DNAH5: variants seen among roughly 807,000 people sequenced by gnomAD.
The protein encoded by DNAH5 is axonemal beta dynein heavy chain 5.
Under a neutral mutation model 518.2 loss-of-function variants are expected in DNAH5, and 372 were observed. The observed-to-expected ratio is 0.72, with a 90% CI of 0.66 to 0.78. DNAH5 has a LOEUF of 0.78. DNAH5 is among the 30% of genes least tolerant of loss of function. The probability of loss-of-function intolerance (pLI) is 0.00; values close to 1 mark genes in which losing one functional copy is unlikely to be tolerated. For synonymous variants in DNAH5, 2,039 were observed against 2,025.9 expected (o/e 1.01, Z -0.17); for missense variants, 5,523 against 5,687.0 (o/e 0.97, Z 0.93).
In DNAH5 at chr5:13,737,307, T is replaced by C; in HGVS notation, c.11400A>G (p.Glu3800=). The change falls in exon 66 of 79, where the codon GAA becomes GAG. Residue 3800 remains glutamate, a synonymous_variant. Coordinates refer to ENST00000265104, the MANE Select transcript of DNAH5 (RefSeq NM_001369.3). ...RTAEEVTQKL[E]ISAETEVQIN... ...TTTGAACTTCTGTCTCAGCAGAAAT[T>C]TCTAGCTTCTGTGTCACCTCCTCGG... 6.2e-7 allele frequency: 1 copy of C among 1,614,134 alleles called. No individual in the cohort carries two copies. The highest frequency in any genetic ancestry group is 8.5e-7 in the Non-Finnish European group (1 of 1,179,994).
At position 13,882,730 on chromosome 5, in the gene DNAH5, T is replaced by C; in HGVS notation, c.3260A>G (p.Gln1087Arg). The C allele has an allele frequency of 8.1e-6, 13 of 1,610,658 alleles. No homozygotes were observed. The highest frequency in any genetic ancestry group is 1.1e-5 in the Non-Finnish European group (13 of 1,176,930). ...SDVEMGENEL[Q>R]DTLEIASVNL... ...TAAAAGACTAAAAGAACATTTACCT[T>C]GAAGTTCATTTTCTCCCATTTCAAC... is the stretch of plus-strand genomic sequence containing the variant. The change falls in exon 21 of 79, where the codon CAA (glutamine) becomes CGA (arginine). Residue 1087 changes from glutamine to arginine, a missense_variant and splice_region_variant. This residue lies in a region of DNAH5 where 5,121 missense variants were observed against 5,223.3 expected (regional missense o/e 0.98). Coordinates refer to ENST00000265104, the MANE Select transcript of DNAH5 (RefSeq NM_001369.3).
At chr5:13,978,726 A>G (rs1306682029) in intron 1 of DNAH5, among the ~76,000 whole-genome samples, 1 of 152,224 alleles carries the variant, frequency 6.6e-6, no homozygotes, top group Non-Finnish European at 1.5e-5. Flanking sequence ...GCTATGCCAT[A>G]TAGCCTAAGG....
At position 13,737,279 on chromosome 5, in the gene DNAH5, T is replaced by A; in HGVS notation, c.11428A>T (p.Asn3810Tyr). The A allele has an allele frequency of 6.2e-7, 1 of 1,614,126 alleles. No homozygotes were observed. The highest frequency in any genetic ancestry group is 8.5e-7 in the Non-Finnish European group (1 of 1,179,982). ...GGTCTGTATTCCTCCCGGGCTGAGT[T>A]AATTTGAACTTCTGTCTCAGCAGAA... ...EISAETEVQI[N>Y]SAREEYRPVA... is the part of the protein sequence containing the mutation. The change falls in exon 66 of 79, where the codon AAC becomes TAC. Residue 3810 changes from asparagine to tyrosine, a missense_variant. Physicochemically the swap from Asn to Tyr is moderately radical, Grantham distance 143. Around this residue, in one of 3 missense-constraint regions of DNAH5, gnomAD observed 5,121 missense variants for 5,223.3 expected, o/e 0.98. Transcript: ENST00000265104.
At chr5:13,915,118 T>G (rs1378973908) in intron 9 of DNAH5, among the ~76,000 whole-genome samples, 1 of 152,122 alleles carries the variant, frequency 6.6e-6, no homozygotes, top group Admixed American at 6.6e-5. Context: ...CACTAACATT[T>G]TATTCATCTC....
intron 66 of DNAH5, 120 bp downstream of exon 66, chr5:13,737,132 A>G: frequency 6.6e-7 from 1 of 1,510,942 alleles, no homozygotes; most frequent in Non-Finnish European, 9.1e-7. Flanking sequence ...GAAATTCCAC[A>G]AAACACCTCC....
At chr5:13,870,728 T>C (rs776682607) in intron 24 of DNAH5, 39 bp downstream of exon 24, 3 of 1,553,926 alleles carry the variant, frequency 1.9e-6, no homozygotes, top group Middle Eastern at 1.7e-4. Context: ...ATCCAACATG[T>C]AGAAATATTT....
intron 1 of DNAH5, among the ~76,000 whole-genome samples, chr5:13,969,607 G>T (rs1266648881): frequency 6.6e-6 from 1 of 152,100 alleles, no homozygotes; most frequent in Non-Finnish European, 1.5e-5. Context: ...CCATGTATTT[G>T]CATGGTTTTG....
chr5:13,820,550 C>G lies in DNAH5; in HGVS notation c.6688-51G>C, dbSNP rs376299819. 8.1e-6 allele frequency: 13 copies of G among 1,600,610 alleles called. No homozygotes were observed. In the African/African-American group the frequency reaches 1.7e-4, roughly 21 times the overall value. ...TTGAAACACAACAATGATGGCCGGA[C>G]ACGGTGGCTCACGCCTGTAATCCCA... On this transcript the variant is annotated intron_variant, in intron 40 of 78. Transcript: ENST00000265104.
intron 1 of DNAH5, among the ~76,000 whole-genome samples, chr5:13,994,939 A>C (rs2152077548): frequency 6.6e-6 from 1 of 152,332 alleles, no homozygotes; most frequent in Admixed American, 6.5e-5. Context: ...CATGAGTTTC[A>C]GCAAACAAGA....
At chr5:13,887,432 T>C (rs531141296) in intron 17 of DNAH5, among the ~76,000 whole-genome samples, 1 of 152,286 alleles carries the variant, frequency 6.6e-6, no homozygotes, top group East Asian at 1.9e-4. Context: ...CTCATTAAAA[T>C]ATCCCCCAGG....
chr5:13,692,595 G>A (rs960487968), intron 78 of DNAH5, among the ~76,000 whole-genome samples: 6 of 152,108 alleles, frequency 3.9e-5, no homozygotes, highest in Non-Finnish European at 7.4e-5. Context: ...TTAAATCCCA[G>A]GACAGAGGGT....
At chr5:13,806,289 C>T (rs1469600851) in intron 47 of DNAH5, among the ~76,000 whole-genome samples, 1 of 152,106 alleles carries the variant, frequency 6.6e-6, no homozygotes, top group African/African-American at 2.4e-5. Context: ...GACCATCCAT[C>T]CAGATCTGCC....
chr5:14,002,387 T>C (rs1464490255), intron 1 of DNAH5, among the ~76,000 whole-genome samples: 1 of 152,188 alleles, frequency 6.6e-6, no homozygotes, highest in Non-Finnish European at 1.5e-5. Context: ...GGTTAAAAAT[T>C]AAACACATAA....
At chr5:13,926,408 TCA>T (rs1451890748) in intron 3 of DNAH5, among the ~76,000 whole-genome samples, 2 of 152,162 alleles carry the variant, frequency 1.3e-5, no homozygotes, top group East Asian at 3.9e-4. Flanking sequence ...GCCTCTGGCC[TCA>T]CACAGTCAGC....
At chr5:13,911,553 T>A (rs1442662922) in intron 11 of DNAH5, 60 bp from the exon 12 acceptor site, 1 of 1,313,636 alleles carries the variant, frequency 7.6e-7, no homozygotes, top group African/African-American at 1.5e-5. Flanking sequence ...CCTAACTAAA[T>A]ATGACCCTTA....
At chr5:13,851,308 T>C (rs1051559130) in intron 30 of DNAH5, among the ~76,000 whole-genome samples, 10 of 152,096 alleles carry the variant, frequency 6.6e-5, no homozygotes, top group Admixed American at 6.5e-4. Context: ...AGGAATCATA[T>C]AAATTTTCTT....
rs767881232 is a variant in DNAH5 at position 13,931,264 on chromosome 5, A to T, written c.58-20T>A. 3 of 1,613,836 alleles carry T rather than the reference A, an allele frequency of 1.9e-6. No individual in the cohort carries two copies. The Admixed American group carries it at 5.0e-5, about 27-fold the overall frequency. On this transcript the variant is annotated intron_variant, in intron 1 of 78. Coordinates refer to ENST00000265104, the MANE Select transcript of DNAH5 (RefSeq NM_001369.3). ...TCTTTGCTAAAAGAAAAGAATAAAA[A>T]TGTTACATGGAAACTGCTGTTCTCA...
At chr5:13,892,399 T>C (rs1773376234) in intron 16 of DNAH5, among the ~76,000 whole-genome samples, 1 of 152,120 alleles carries the variant, frequency 6.6e-6, no homozygotes. Context: ...ATGTGCAGAG[T>C]GTCCCAGATT....
At chr5:13,788,214 GAATAAT>G (rs1756374159) in intron 51 of DNAH5, among the ~76,000 whole-genome samples, 1 of 152,080 alleles carries the variant, frequency 6.6e-6, no homozygotes, top group Non-Finnish European at 1.5e-5. Context: ...AGGATGACCT[GAATAAT>G]AATAAGTATC....
Sources: allele counts gnomAD v4.1 joint callset (sites outside exome capture counted in the v4.1 genomes callset), GRCh38; gene constraint gnomAD v4.1.1; regional missense constraint gnomAD v4.1.1; transcripts MANE v1.5; gene names NCBI Gene and HGNC (gene_info 2026-07-23, HGNC 2026-07-21).